CLMP: variants seen among roughly 807,000 people sequenced by gnomAD.
CLMP encodes CXADR-like membrane protein.
Under a neutral mutation model 45.2 loss-of-function variants are expected in CLMP, and 27 were observed. That is an observed-to-expected ratio of 0.60 (90% confidence interval 0.44 to 0.82). The LOEUF (loss-of-function observed/expected upper bound fraction) is 0.82. CLMP is among the 40% of genes least tolerant of loss of function. The pLI, the probability that CLMP is intolerant of heterozygous loss-of-function variation, is 0.00. For synonymous variants in CLMP, 167 were observed against 171.4 expected, an observed-to-expected ratio of 0.97 and a Z score of 0.20; for missense variants, 403 against 448.4, an observed-to-expected ratio of 0.90 and a Z score of 0.91.
At chr11:123,194,241 T>C (rs1013319456) in intron 1 of CLMP, among the ~76,000 whole-genome samples, 18 of 152,090 alleles carry the variant, frequency 1.2e-4, no homozygotes, top group Non-Finnish European at 1.9e-4. Flanking sequence ...CTTGCTCTAT[T>C]TCCCTCTGTT....
At chr11:123,077,091 C>T (rs770115499) in intron 5 of CLMP, among the ~76,000 whole-genome samples, 3 of 149,100 alleles carry the variant, frequency 2.0e-5, no homozygotes, top group East Asian at 2.0e-4. Flanking sequence ...CTCCGCGTCC[C>T]GGGTTCAAGT....
intron 2 of CLMP, among the ~76,000 whole-genome samples, chr11:123,088,887 G>A (rs1244433386): frequency 6.6e-6 from 1 of 152,180 alleles, no homozygotes; most frequent in Admixed American, 6.5e-5. Context: ...GCTTCCCAAA[G>A]TGCTGGGATT....
At chr11:123,189,680 T>A (rs1037848960) in intron 1 of CLMP, among the ~76,000 whole-genome samples, 1 of 152,174 alleles carries the variant, frequency 6.6e-6, no homozygotes, top group African/African-American at 2.4e-5. Flanking sequence ...TTACTAGGTA[T>A]GCTTTATATG....
intron 1 of CLMP, among the ~76,000 whole-genome samples, chr11:123,187,782 G>A (rs972537387): frequency 6.6e-6 from 1 of 152,126 alleles, no homozygotes; most frequent in Non-Finnish European, 1.5e-5. Context: ...CCTTCAATAG[G>A]CAAGGACATT....
intron 1 of CLMP, among the ~76,000 whole-genome samples, chr11:123,178,703 T>C (rs1356926587): frequency 6.6e-6 from 1 of 152,176 alleles, no homozygotes; most frequent in Admixed American, 6.5e-5. Flanking sequence ...GGATGGGAGA[T>C]GCAAATGAAA....
rs1320502816 is a variant in CLMP at position 123,070,117 on chromosome 11, A to C, written c.*3357T>G. The C allele has an allele frequency of 6.6e-6, 1 of 152,204 alleles. No individual in the cohort carries two copies. Among genetic ancestry groups the C allele is most frequent in the Non-Finnish European group, 1.5e-5 (1 of 68,030 alleles). The allele number at this position is 152,204 out of a possible 1,614,324, so 9.4% of individuals were successfully genotyped here. On this transcript the variant is annotated 3_prime_UTR_variant, in exon 7 of 7. Transcript: ENST00000448775. ...ACCAACTTCCTTATTTCACAAATTT[A>C]AGTTTGGTTTATATATTTTATTGAC...
intron 1 of CLMP, among the ~76,000 whole-genome samples, chr11:123,162,379 T>A (rs1338144495): frequency 6.6e-6 from 1 of 152,214 alleles, no homozygotes; most frequent in Non-Finnish European, 1.5e-5. Flanking sequence ...TGATTTGAGG[T>A]GGTTTATAAT....
chr11:123,183,153 A>G (rs1373127369), intron 1 of CLMP, among the ~76,000 whole-genome samples: 1 of 151,876 alleles, frequency 6.6e-6, no homozygotes, highest in Non-Finnish European at 1.5e-5. Flanking sequence ...GTGGGTCTGG[A>G]GTTAGTGGGT....
At chr11:123,084,455 C>A in intron 3 of CLMP, 57 bp downstream of exon 3, 1 of 1,406,812 alleles carries the variant, frequency 7.1e-7, no homozygotes, top group Non-Finnish European at 1.0e-6. Context: ...ATATGGCTAT[C>A]CCTCTTAGAT....
rs567980927 is a variant in CLMP, at chr11:123,192,462, G to A, written c.28+2451C>T. On this transcript the variant is annotated intron_variant, in intron 1 of 6. Transcript: ENST00000448775. ...TACCAGCGGCCTCACAGGGTTACTC[G>A]GGTAGCAGTGTGCAGGATGGAGGAG... Among the ~76,000 whole-genome samples the A allele has an allele frequency of 2.0e-5, 3 of 152,142 alleles. 1 individual carries two copies. Among genetic ancestry groups the A allele is most frequent in the East Asian group, 3.9e-4 (2 of 5,194 alleles).
intron 1 of CLMP, chr11:123,136,120 T>C: frequency 1.6e-6 from 1 of 622,050 alleles, no homozygotes; most frequent in Non-Finnish European, 3.1e-6. Context: ...CCACTATGAC[T>C]AGCAATCTGA....
At chr11:123,093,197 C>G (rs370323754) in intron 2 of CLMP, among the ~76,000 whole-genome samples, 8 of 151,806 alleles carry the variant, frequency 5.3e-5, no homozygotes, top group Non-Finnish European at 1.0e-4. Flanking sequence ...TGAACCACCA[C>G]GCCCGGCCAT....
intron 1 of CLMP, among the ~76,000 whole-genome samples, chr11:123,165,049 T>C (rs1861539272): frequency 6.6e-6 from 1 of 152,238 alleles, no homozygotes; most frequent in Non-Finnish European, 1.5e-5. Flanking sequence ...AGTATCATTC[T>C]ACATTGTGCA....
At chr11:123,172,476 A>G (rs1024364879) in intron 1 of CLMP, among the ~76,000 whole-genome samples, 1 of 151,494 alleles carries the variant, frequency 6.6e-6, no homozygotes, top group East Asian at 1.9e-4. Flanking sequence ...ATAAACTTTT[A>G]TTGTTTATTT....
chr11:123,170,040 A>G (rs1389861531), intron 1 of CLMP, among the ~76,000 whole-genome samples: 1 of 152,220 alleles, frequency 6.6e-6, no homozygotes, highest in African/African-American at 2.4e-5. Flanking sequence ...TCAGACTTAA[A>G]AAGGTGCCAG....
chr11:123,158,130 C>A (rs117987779), intron 1 of CLMP, among the ~76,000 whole-genome samples: 2 of 152,126 alleles, frequency 1.3e-5, no homozygotes, highest in Non-Finnish European at 2.9e-5. Flanking sequence ...CAGGAAGATG[C>A]AAAGTGCCCC....
chr11:123,122,054 G>A (rs979404926), intron 1 of CLMP, among the ~76,000 whole-genome samples: 14 of 152,162 alleles, frequency 9.2e-5, no homozygotes, highest in African/African-American at 3.1e-4. Flanking sequence ...TTTCATTTTA[G>A]TGGGTTTTGG....
chr11:123,185,025 G>A (rs1416417379), intron 1 of CLMP, among the ~76,000 whole-genome samples: 1 of 152,202 alleles, frequency 6.6e-6, no homozygotes, highest in Non-Finnish European at 1.5e-5. Flanking sequence ...TGTGTCTGGA[G>A]AGTCAGGAAA....
chr11:123,184,938 T>A (rs1336159687), intron 1 of CLMP, among the ~76,000 whole-genome samples: 1 of 152,132 alleles, frequency 6.6e-6, no homozygotes. Flanking sequence ...AACCCCAAAC[T>A]GTACCATAAC....
Sources: allele counts gnomAD v4.1 joint callset (sites outside exome capture counted in the v4.1 genomes callset), GRCh38; gene constraint gnomAD v4.1.1; transcripts MANE v1.5; gene names NCBI Gene and HGNC (gene_info 2026-07-23, HGNC 2026-07-21).